The following PTPRD variants were observed in gnomAD, a reference collection of about 807,000 sequenced individuals.
PTPRD encodes receptor-type tyrosine-protein phosphatase delta.
A neutral mutation model predicts 214.5 loss-of-function variants in PTPRD; 34 were observed. The ratio of observed to expected loss-of-function variants is 0.16; its 90% CI spans 0.12 to 0.21. The LOEUF (loss-of-function observed/expected upper bound fraction) is 0.21. PTPRD is among the 10% of genes least tolerant of loss of function. The pLI is 1.00. For synonymous variants in PTPRD, 1,128 were observed against 845.7 expected (o/e 1.33, Z -5.79); for missense variants, 2,545 against 2,398.7 (o/e 1.06, Z -1.27).
chr9:8,526,716 C>A, intron 16 of PTPRD, 72 bp from the exon 17 acceptor site: 1 of 1,244,932 alleles, frequency 8.0e-7, no homozygotes, highest in South Asian at 1.5e-5. Context: ...GAGGCTAGGG[C>A]TGGGGAGAAG....
intron 3 of PTPRD, among the ~76,000 whole-genome samples, chr9:10,203,629 A>G (rs2099445556): frequency 6.6e-6 from 1 of 152,160 alleles, no homozygotes; most frequent in Non-Finnish European, 1.5e-5. Context: ...GGATTCCATC[A>G]TTTATTCCAC....
At chr9:8,427,516 C>G (rs7853248) in intron 35 of PTPRD, among the ~76,000 whole-genome samples, 8,090 of 152,084 alleles carry the variant, frequency 0.053, 709 homozygotes, top group African/African-American at 0.19. Context: ...AACAGCATAC[C>G]GAGAGGCCAG....
At chr9:8,397,869 T>C (rs1393296329) in intron 36 of PTPRD, among the ~76,000 whole-genome samples, 1 of 152,156 alleles carries the variant, frequency 6.6e-6, no homozygotes, top group Non-Finnish European at 1.5e-5. Flanking sequence ...ATATTATTTA[T>C]GCTTGGATTT....
chr9:9,933,927 C>T (rs1186809508), intron 5 of PTPRD, among the ~76,000 whole-genome samples: 1 of 145,954 alleles, frequency 6.9e-6, no homozygotes, highest in Non-Finnish European at 1.5e-5. Flanking sequence ...AAGAATCTCA[C>T]TCAAAGCTGC....
chr9:9,959,738 G>T (rs980170311), intron 4 of PTPRD, among the ~76,000 whole-genome samples: 8 of 152,168 alleles, frequency 5.3e-5, no homozygotes, highest in Admixed American at 4.6e-4. Flanking sequence ...TTCTGATACT[G>T]CTACATGAAT....
chr9:9,364,083 T>C (rs2057143256), intron 9 of PTPRD, among the ~76,000 whole-genome samples: 1 of 151,446 alleles, frequency 6.6e-6, no homozygotes, highest in South Asian at 2.1e-4. Context: ...ACCAATATTT[T>C]CATGTGCCGA....
chr9:8,520,806 C>T (rs1427177831), intron 20 of PTPRD, among the ~76,000 whole-genome samples: 1 of 152,076 alleles, frequency 6.6e-6, no homozygotes, highest in Non-Finnish European at 1.5e-5. Context: ...TAGTAGGGCT[C>T]ACCAAAAAGT....
At chr9:8,612,884 G>A (rs537152745) in intron 14 of PTPRD, among the ~76,000 whole-genome samples, 14 of 152,150 alleles carry the variant, frequency 9.2e-5, no homozygotes, top group East Asian at 5.8e-4. Flanking sequence ...AATTATAATC[G>A]ATTAGTTTAA....
chr9:9,918,114 A>G (rs2081451950), intron 5 of PTPRD, among the ~76,000 whole-genome samples: 2 of 152,006 alleles, frequency 1.3e-5, no homozygotes, highest in Admixed American at 6.6e-5. Flanking sequence ...AAGTCAAATT[A>G]TCTGTACCTA....
intron 8 of PTPRD, among the ~76,000 whole-genome samples, chr9:9,523,375 G>T (rs1430510713): frequency 6.6e-6 from 1 of 152,230 alleles, no homozygotes. Context: ...TTGGAGGGGA[G>T]ATATTGGGTT....
chr9:9,955,667 G>C lies in PTPRD; in HGVS notation c.-471-17057C>G, dbSNP rs184338754. ...GCCTCCCAAGTAGCTGGGACTACAG[G>C]TGCCCGCCACCATGCCCGACTAATT... On this transcript the variant is annotated intron_variant, in intron 4 of 45. Coordinates refer to ENST00000381196, the MANE Select transcript of PTPRD (RefSeq NM_002839.4). Among the ~76,000 whole-genome samples, 864 of 152,090 alleles carry C rather than the reference G, an allele frequency of 5.7e-3. 13 individuals carry two copies. Among genetic ancestry groups the C allele is most frequent in the African/African-American group, 0.019 (801 of 41,510 alleles).
chr9:10,563,600 T>G (rs926577911), intron 2 of PTPRD, among the ~76,000 whole-genome samples: 1 of 152,164 alleles, frequency 6.6e-6, no homozygotes, highest in Admixed American at 6.5e-5. Context: ...GAAATTCAAT[T>G]TCAAAAATTA....
At chr9:9,394,261 A>G (rs2066924644) in intron 9 of PTPRD, among the ~76,000 whole-genome samples, 1 of 152,126 alleles carries the variant, frequency 6.6e-6, no homozygotes, top group Non-Finnish European at 1.5e-5. Context: ...AGACCTTTTA[A>G]AAAATTCTGG....
intron 3 of PTPRD, among the ~76,000 whole-genome samples, chr9:10,264,089 A>T (rs1318672581): frequency 6.6e-6 from 1 of 152,170 alleles, no homozygotes; most frequent in African/African-American, 2.4e-5. Flanking sequence ...TTTTCAGAGG[A>T]TATATGGGAA....
intron 5 of PTPRD, among the ~76,000 whole-genome samples, chr9:9,902,004 T>G (rs2076514202): frequency 1.3e-5 from 2 of 152,196 alleles, no homozygotes; most frequent in Admixed American, 6.5e-5. Flanking sequence ...TCACAGTTAG[T>G]ATCATATGAA....
chr9:10,015,428 T>TTAC (rs1348795244), intron 4 of PTPRD, among the ~76,000 whole-genome samples: 1 of 152,070 alleles, frequency 6.6e-6, no homozygotes, highest in African/African-American at 2.4e-5. Context: ...TACACTCAAA[T>TTAC]TACTCATGCC....
chr9:8,797,870 T>G (rs1600134425), intron 11 of PTPRD, among the ~76,000 whole-genome samples: 1 of 43,878 alleles, frequency 2.3e-5, no homozygotes, highest in Admixed American at 1.8e-4. Context: ...TTTAACAGAA[T>G]TTTTTTTTTT....
At chr9:8,420,746 A>T (rs2131558410) in intron 35 of PTPRD, among the ~76,000 whole-genome samples, 1 of 152,036 alleles carries the variant, frequency 6.6e-6, no homozygotes, top group East Asian at 1.9e-4. Context: ...TTGGGGAAAG[A>T]CAGCTCCCTT....
At chr9:10,254,195 T>A (rs1046257365) in intron 3 of PTPRD, among the ~76,000 whole-genome samples, 11 of 152,196 alleles carry the variant, frequency 7.2e-5, no homozygotes, top group Non-Finnish European at 1.3e-4. Flanking sequence ...TATAAGTGGA[T>A]ATTTATTGTA....
Sources: gnomAD v4.1 joint callset for allele counts (sites outside exome capture counted in the v4.1 genomes callset) on GRCh38, gnomAD v4.1.1 for gene constraint, MANE v1.5 for transcripts, NCBI Gene and HGNC (gene_info 2026-07-23, HGNC 2026-07-21) for gene names.